The following SEC14L3 variants were observed in gnomAD, a reference collection of about 807,000 sequenced individuals.
SEC14L3 encodes the protein SEC14 like lipid binding 3, also known as SEC14-like protein 3.
Under a neutral mutation model 57.4 loss-of-function variants are expected in SEC14L3, and 56 were observed. That is an observed-to-expected ratio of 0.97 (90% CI 0.79 to 1.22). The LOEUF is 1.22. SEC14L3 is among the 50% of genes most tolerant of loss of function. SEC14L3 has a pLI of 0.00. For missense variants in SEC14L3, 485 were observed against 511.7 expected (o/e 0.95, Z 0.50); for synonymous variants, 173 against 194.4 (o/e 0.89, Z 0.92).
chr22:30,455,058 A>T (rs4314094), downstream of SEC14L3, among the ~76,000 whole-genome samples: 24 of 57,404 alleles, frequency 4.2e-4, no homozygotes, highest in African/African-American at 2.7e-3. Flanking sequence ...TATACAATAT[A>T]TTATATATAA....
chr22:30,459,885 C>T lies in SEC14L3; in HGVS notation c.*136G>A. 1 of 1,424,202 alleles carries T rather than the reference C, an allele frequency of 7.0e-7. No homozygotes were observed. 88.2% of individuals were successfully genotyped at this position (1,424,202 alleles called of 1,614,324 possible). A position where few individuals can be genotyped will look rare whatever the true frequency, so the allele number is the denominator to read the frequency against. ...TCTGACCACAGTAGATGAGTTTTCCCCAGGGCATCTCTTTCTGTACTCACT... is the reference window on the plus strand; with the variant it reads ...TCTGACCACAGTAGATGAGTTTTCCTCAGGGCATCTCTTTCTGTACTCACT... On this transcript the variant is annotated 3_prime_UTR_variant, in exon 12 of 12. Coordinates refer to ENST00000215812, the MANE Select transcript of SEC14L3 (RefSeq NM_174975.5).
intron 12 of SEC14L3, among the ~76,000 whole-genome samples, chr22:30,453,764 G>A (rs1047260658): frequency 1.3e-5 from 2 of 152,138 alleles, no homozygotes; most frequent in Admixed American, 6.5e-5. Flanking sequence ...GTTAATGGCC[G>A]TGGAAGAATT....
chr22:30,461,494 G>A lies in SEC14L3; in HGVS notation c.912-15C>T, dbSNP rs780720693. On this transcript the variant is annotated splice_polypyrimidine_tract_variant and intron_variant, in intron 10 of 11. Coordinates refer to ENST00000215812, the MANE Select transcript of SEC14L3 (RefSeq NM_174975.5). ...AGAACTGCCACCTGTCAGGGGGAGG[G>A]GGAGGAGACAGGTTGCTGCTCAGCC... 4.3e-5 allele frequency: 69 copies of A among 1,613,152 alleles called. No individual in the cohort carries two copies. The highest frequency in any genetic ancestry group is 6.7e-5 in the Admixed American group (4 of 59,962).
intron 12 of SEC14L3, chr22:30,449,354 A>T: frequency 7.2e-7 from 1 of 1,397,894 alleles, no homozygotes; most frequent in Non-Finnish European, 9.6e-7. Flanking sequence ...GTGTTTTATA[A>T]AATAGGATTC....
chr22:30,449,647 C>T (rs1243305907), intron 12 of SEC14L3, among the ~76,000 whole-genome samples: 1 of 151,842 alleles, frequency 6.6e-6, no homozygotes, highest in African/African-American at 2.4e-5. Flanking sequence ...TCACTGCAAC[C>T]TCCGCCTCCC....
intron 11 of SEC14L3, among the ~76,000 whole-genome samples, chr22:30,460,374 G>A (rs747865399): frequency 3.5e-4 from 53 of 152,282 alleles, no homozygotes; most frequent in Non-Finnish European, 5.1e-4. Flanking sequence ...TACTGGCATC[G>A]AGAACAATGG....
At chr22:30,460,290 A>G (rs1432287031) in intron 11 of SEC14L3, 148 bp from the exon 12 acceptor site, 5 of 1,470,246 alleles carry the variant, frequency 3.4e-6, no homozygotes, top group Admixed American at 2.4e-5. Context: ...TCCCTTCCCC[A>G]TGGGAACTGC....
intron 8 of SEC14L3, 154 bp from the exon 9 acceptor site, chr22:30,462,346 A>G: frequency 1.4e-6 from 1 of 715,604 alleles, no homozygotes; most frequent in Non-Finnish European, 1.7e-6. Context: ...GGGCTACAGT[A>G]AGTGTCTTTC....
At chr22:30,455,155 A>C (rs1420806885), downstream of SEC14L3, among the ~76,000 whole-genome samples, 1 of 110,756 alleles carries the variant, frequency 9.0e-6, no homozygotes, top group Admixed American at 1.3e-4. Flanking sequence ...TATATATTAT[A>C]TTTAATATTT....
downstream of SEC14L3, among the ~76,000 whole-genome samples, chr22:30,447,770 T>C (rs1934905683): frequency 6.6e-6 from 1 of 152,126 alleles, no homozygotes; most frequent in South Asian, 2.1e-4. Flanking sequence ...TCAGGGGGCA[T>C]TGCAGATAGG....
downstream of SEC14L3, chr22:30,447,946 T>TG (rs1556004232): frequency 1.4e-5 from 2 of 148,070 alleles, no homozygotes; most frequent in African/African-American, 2.5e-5. Flanking sequence ...CGGGCAATGT[T>TG]TTTTTTTTTT....
chr22:30,454,397 CA>C (rs1935041272), downstream of SEC14L3, among the ~76,000 whole-genome samples: 1 of 151,228 alleles, frequency 6.6e-6, no homozygotes, highest in South Asian at 2.1e-4. Context: ...TATGGAATCT[CA>C]GTCTATTTTG....
intron 12 of SEC14L3, among the ~76,000 whole-genome samples, chr22:30,451,461 AC>A (rs1934979760): frequency 6.6e-6 from 1 of 152,162 alleles, no homozygotes; most frequent in East Asian, 1.9e-4. Flanking sequence ...AAGCAAATAG[AC>A]AACTGTCCTG....
At chr22:30,462,702 T>C (rs1293717453) in intron 8 of SEC14L3, among the ~76,000 whole-genome samples, 1 of 150,578 alleles carries the variant, frequency 6.6e-6, no homozygotes, top group East Asian at 2.0e-4. Context: ...GGATTACAGG[T>C]GTAAGCCACC....
chr22:30,459,357 A>G lies in SEC14L3; in HGVS notation c.*664T>C. The G allele has an allele frequency of 1.0e-6, 1 of 985,484 alleles. No individual in the cohort carries two copies. The highest frequency in any genetic ancestry group is 1.2e-6 in the Non-Finnish European group (1 of 829,952). 61.0% of individuals were successfully genotyped at this position (985,484 alleles called of 1,614,324 possible). On this transcript the variant is annotated 3_prime_UTR_variant, in exon 12 of 12. Transcript: ENST00000215812. ...GTGGGAAGCTGAGCGTGCAAGTCAG[A>G]CAAAGCCTGATGTAGGCAGCTCCTA...
exon 13 of SEC14L3, chr22:30,448,368 G>A (rs1934917776): frequency 6.6e-6 from 1 of 152,082 alleles, no homozygotes; most frequent in Non-Finnish European, 1.5e-5. Context: ...TGCATCTGGG[G>A]AGCCTTTCAG....
chr22:30,470,051 TA>T lies in SEC14L3; in HGVS notation c.201del (p.Asp67GlufsTer13). The T allele has an allele frequency of 6.3e-7, 1 of 1,591,878 alleles. No individual in the cohort carries two copies. The highest frequency in any genetic ancestry group is 8.6e-7 in the Non-Finnish European group (1 of 1,168,292). On this transcript the variant is annotated frameshift_variant, in exon 4 of 12. Coordinates refer to ENST00000215812, the MANE Select transcript of SEC14L3 (RefSeq NM_174975.5). LOFTEE classifies it high-confidence loss of function. ...RKYMEFRKTM[D>X]IDHILDWQPP... is the part of the protein sequence containing the mutation. ...GGCTGCCAATCAAGGATATGGTCAA[TA>T]TCCATGGTCTTCCGGAACTCCATGT...
intron 12 of SEC14L3, among the ~76,000 whole-genome samples, chr22:30,454,139 C>A (rs1362098712): frequency 6.6e-6 from 1 of 152,140 alleles, no homozygotes; most frequent in East Asian, 1.9e-4. Flanking sequence ...TCCTGGGGTG[C>A]TCTTGGACCT....
Position 30,459,660 on chromosome 22 carries a change from C to G in SEC14L3, c.*361G>C. The G allele has an allele frequency of 9.9e-7, 1 of 1,014,654 alleles. No homozygotes were observed. Among genetic ancestry groups the G allele is most frequent in the Non-Finnish European group, 1.2e-6 (1 of 846,460 alleles). 62.9% of individuals were successfully genotyped at this position (1,014,654 alleles called of 1,614,324 possible). A position where few individuals can be genotyped will look rare whatever the true frequency, so the allele number is the denominator to read the frequency against. ...GGAAGTAAAAAGGATTTAGATATGT[C>G]TCCAACCCAAGTTGCTCACAGCCAT... On this transcript the variant is annotated 3_prime_UTR_variant, in exon 12 of 12. Coordinates refer to ENST00000215812, the MANE Select transcript of SEC14L3 (RefSeq NM_174975.5).
Sources: allele counts gnomAD v4.1 joint callset (sites outside exome capture counted in the v4.1 genomes callset), GRCh38; gene constraint gnomAD v4.1.1; transcripts MANE v1.5; gene names NCBI Gene and HGNC (gene_info 2026-07-23, HGNC 2026-07-21).